The following TRHDE variants were observed in gnomAD, a reference collection of about 807,000 sequenced individuals.
TRHDE encodes thyrotropin releasing hormone degrading enzyme.
In TRHDE, 72 loss-of-function variants were observed where a neutral mutation model predicts 125.7. The observed-to-expected ratio is 0.57, with a 90% CI of 0.47 to 0.70. The LOEUF (loss-of-function observed/expected upper bound fraction) is 0.70. Ranked by LOEUF, TRHDE falls within the 30% of genes least tolerant of loss-of-function variation. TRHDE has a pLI of 0.00. For synonymous variants in TRHDE, 509 were observed against 509.1 expected (o/e 1.00, Z 0.00); for missense variants, 1,110 against 1,327.1 (o/e 0.84, Z 2.54).
At chr12:72,418,683 G>A (rs1403708461) in intron 3 of TRHDE, among the ~76,000 whole-genome samples, 1 of 152,076 alleles carries the variant, frequency 6.6e-6, no homozygotes, top group Non-Finnish European at 1.5e-5. Context: ...GGTACTCAAA[G>A]TGCTTTGCAA....
At chr12:72,209,759 T>C (rs1162581604) in intron 2 of TRHDE, among the ~76,000 whole-genome samples, 3 of 152,194 alleles carry the variant, frequency 2.0e-5, no homozygotes, top group African/African-American at 7.2e-5. Context: ...AACTACTTTA[T>C]ACTCTATTCC....
At chr12:72,256,565 G>C (rs1878819885) in intron 2 of TRHDE, 1 of 152,100 alleles carries the variant, frequency 6.6e-6, no homozygotes, top group African/African-American at 2.4e-5. Context: ...ATTTTAATCT[G>C]TTTTGTTCAC....
rs560895149 is a variant in TRHDE at position 72,184,409 on chromosome 12, C to G, written n.279+78657C>G. ...TCCCCTCCCCGCTTCTTCCCCAGCC[C>G]AAGCACATGTTTAATTACTGCAGAG... On this transcript the variant is annotated intron_variant and non_coding_transcript_variant, in intron 2 of 4. Transcript: ENST00000548156. Among the ~76,000 whole-genome samples the G allele has an allele frequency of 2.0e-5, 3 of 152,212 alleles. No individual in the cohort carries two copies. In the East Asian group the frequency reaches 5.8e-4, roughly 29 times the overall value.
At chr12:72,450,338 C>T (rs570421244) in intron 3 of TRHDE, among the ~76,000 whole-genome samples, 1 of 152,102 alleles carries the variant, frequency 6.6e-6, no homozygotes, top group African/African-American at 2.4e-5. Context: ...AGCCTAGGTC[C>T]TACCTTAGAA....
intron 3 of TRHDE, among the ~76,000 whole-genome samples, chr12:72,409,932 G>A (rs1873423446): frequency 6.6e-6 from 1 of 151,866 alleles, no homozygotes; most frequent in Admixed American, 6.6e-5. Flanking sequence ...CAGGAATAGG[G>A]CAGCAATTAA....
chr12:72,499,771 G>C, intron 6 of TRHDE, 136 bp downstream of exon 6: 1 of 974,290 alleles, frequency 1.0e-6, no homozygotes, highest in Non-Finnish European at 1.4e-6. Flanking sequence ...AGAGTCACTA[G>C]GTTCGTGTCA....
chr12:72,469,643 A>G (rs1415799347), intron 3 of TRHDE, 115 bp from the exon 4 acceptor site: 1 of 1,174,370 alleles, frequency 8.5e-7, no homozygotes, highest in Non-Finnish European at 1.2e-6. Flanking sequence ...CAAAAAAATC[A>G]CTAAGTAAAA....
chr12:72,614,328 A>AT (rs373295780), intron 12 of TRHDE, among the ~76,000 whole-genome samples: 43,808 of 104,036 alleles, frequency 0.42, 8,872 homozygotes, highest in Non-Finnish European at 0.49. Context: ...ATATATATAT[A>AT]TATTTTTTTT....
Position 72,652,306 on chromosome 12 carries a change from T to A in TRHDE, c.2676-16T>A. 8 of 1,411,562 alleles carry A rather than the reference T, an allele frequency of 5.7e-6. No individual in the cohort carries two copies. Among genetic ancestry groups the A allele is most frequent in the Non-Finnish European group, 7.5e-6 (8 of 1,072,714 alleles). 87.4% of individuals were successfully genotyped at this position (1,411,562 alleles called of 1,614,324 possible). On this transcript the variant is annotated splice_polypyrimidine_tract_variant and intron_variant, in intron 15 of 18. Transcript: ENST00000261180. ...GCTTTTAATTAACAGAAAACCACCA[T>A]GGGTTGCTTCTTTAGAATACCACTA...
At chr12:72,221,782 T>C (rs1346614806) in intron 2 of TRHDE, among the ~76,000 whole-genome samples, 2 of 152,154 alleles carry the variant, frequency 1.3e-5, no homozygotes, top group Non-Finnish European at 2.9e-5. Flanking sequence ...AGCTATCTAC[T>C]AACTAACTAA....
At chr12:72,274,449 A>G (rs1879405006) in intron 1 of TRHDE, 1 of 152,204 alleles carries the variant, frequency 6.6e-6, no homozygotes, top group African/African-American at 2.4e-5. Context: ...CTCATAATCC[A>G]ATAGAACTGA....
chr12:72,324,988 G>A (rs891282327), intron 2 of TRHDE, among the ~76,000 whole-genome samples: 2 of 152,082 alleles, frequency 1.3e-5, no homozygotes, highest in Non-Finnish European at 2.9e-5. Context: ...TACTTCCGGA[G>A]TGTCAATCAT....
intron 17 of TRHDE, 139 bp downstream of exon 17, chr12:72,653,295 T>A: frequency 1.8e-6 from 1 of 550,124 alleles, no homozygotes; most frequent in Non-Finnish European, 2.9e-6. Context: ...ATGTTGCCAC[T>A]CCCGTGGAAC....
intron 2 of TRHDE, among the ~76,000 whole-genome samples, chr12:72,355,461 C>T (rs768723465): frequency 6.0e-5 from 9 of 151,116 alleles, no homozygotes; most frequent in Non-Finnish European, 8.9e-5. Context: ...CCCAAGAGGA[C>T]GACCTAGGCA....
intron 2 of TRHDE, among the ~76,000 whole-genome samples, chr12:72,158,686 T>G (rs1180326246): frequency 1.3e-5 from 2 of 152,228 alleles, no homozygotes; most frequent in Admixed American, 6.5e-5. Context: ...GTAACCCAGA[T>G]GTCAGGTTTT....
chr12:72,640,132 A>G (rs1873982018), intron 15 of TRHDE, among the ~76,000 whole-genome samples: 1 of 152,120 alleles, frequency 6.6e-6, no homozygotes, highest in Non-Finnish European at 1.5e-5. Context: ...TTGATCTCAG[A>G]CTGCTGTGCT....
chr12:72,629,430 A>C (rs1284949421), intron 15 of TRHDE, among the ~76,000 whole-genome samples: 1 of 151,668 alleles, frequency 6.6e-6, no homozygotes, highest in African/African-American at 2.4e-5. Context: ...GTTTGCCTAA[A>C]ATTATACTGC....
chr12:72,447,079 C>T (rs925319441), intron 3 of TRHDE, among the ~76,000 whole-genome samples: 16 of 152,188 alleles, frequency 1.1e-4, no homozygotes, highest in African/African-American at 3.9e-4. Flanking sequence ...CTCAGCACTG[C>T]ATCGCACTTA....
chr12:72,594,997 G>A (rs2136051781), intron 12 of TRHDE, among the ~76,000 whole-genome samples: 1 of 150,742 alleles, frequency 6.6e-6, no homozygotes, highest in East Asian at 2.0e-4. Flanking sequence ...ATCATTCTCA[G>A]TAAACTATTG....
Sources: gnomAD v4.1 joint callset for allele counts (sites outside exome capture counted in the v4.1 genomes callset) on GRCh38, gnomAD v4.1.1 for gene constraint, MANE v1.5 for transcripts, NCBI Gene and HGNC (gene_info 2026-07-23, HGNC 2026-07-21) for gene names.